The following MAP1B variants were observed in gnomAD, a reference collection of about 807,000 sequenced individuals.
MAP1B encodes microtubule-associated protein 1B.
MAP1B carries 12 observed loss-of-function variants against 176.1 expected under a neutral mutation model. That is an observed-to-expected ratio of 0.07 (90% CI 0.04 to 0.11). The LOEUF (loss-of-function observed/expected upper bound fraction) is 0.11. Among genes scored for constraint, MAP1B ranks in the 10% least tolerant of loss-of-function variants. The pLI is 1.00. For synonymous variants in MAP1B, 1,044 were observed against 1,135.0 expected (o/e 0.92, Z 1.61); for missense variants, 2,523 against 2,990.5 (o/e 0.84, Z 3.65).
chr5:72,200,271 C>T lies in MAP1B; in HGVS notation c.6916C>T (p.Pro2306Ser). 1 of 1,614,194 alleles carries T rather than the reference C, an allele frequency of 6.2e-7. No individual in the cohort carries two copies. The highest frequency in any genetic ancestry group is 8.5e-7 in the Non-Finnish European group (1 of 1,180,044). Residue 2306 changes from proline (P) to serine (S), a missense_variant, in exon 5 of 7, where the codon CCT becomes TCT. Coordinates refer to ENST00000296755, the MANE Select transcript of MAP1B (RefSeq NM_005909.5). ...VEKAAKPTTT[P>S]EVKAARGEEK... ...AAAGGCAGCAAAACCCACCACCACT[C>T]CTGAGGTCAAAGCTGCACGTGGGGA...
intron 2 of MAP1B, among the ~76,000 whole-genome samples, chr5:72,161,396 G>A (rs1421789854): frequency 2.0e-5 from 3 of 152,204 alleles, no homozygotes; most frequent in Non-Finnish European, 4.4e-5. Context: ...TGGCTCATAT[G>A]AATAATAGTA....
intron 2 of MAP1B, among the ~76,000 whole-genome samples, chr5:72,119,328 G>A (rs535181361): frequency 3.9e-5 from 6 of 152,332 alleles, no homozygotes; most frequent in African/African-American, 1.2e-4. Flanking sequence ...GCCCAGGGCA[G>A]GTCTCTGCTG....
In MAP1B at chr5:72,196,355, C is replaced by T. The variant is rs148153706; in HGVS notation, c.3000C>T (p.Ala1000=). ...CTGTGGCCAGTGGGGATGACCGAGC[C>T]GAAGAAGACATGGATGAGGCCATTG... ...RESVASGDDR[A]EEDMDEAIEK... Residue 1000 remains alanine (A), a synonymous_variant, in exon 5 of 7, where the codon GCC becomes GCT. Transcript: ENST00000296755. This position sits in a 1 kb window ranked among gnomAD's most constrained non-coding sequence, Gnocchi z 5.3. 466 of 1,613,796 alleles carry T rather than the reference C, an allele frequency of 2.9e-4. 1 individual carries two copies. In the African/African-American group the frequency reaches 4.8e-3, roughly 17 times the overall value.
chr5:72,145,205 A>G (rs1321402227), intron 2 of MAP1B, among the ~76,000 whole-genome samples: 2 of 152,220 alleles, frequency 1.3e-5, no homozygotes, highest in African/African-American at 4.8e-5. Flanking sequence ...GAAAATGCTC[A>G]CCAACACAGT....
intron 2 of MAP1B, among the ~76,000 whole-genome samples, chr5:72,171,280 A>C (rs1746532358): frequency 6.6e-6 from 1 of 152,180 alleles, no homozygotes; most frequent in Non-Finnish European, 1.5e-5. Flanking sequence ...AAGAGTTTAA[A>C]GAAAAGGCAT....
intron 2 of MAP1B, among the ~76,000 whole-genome samples, chr5:72,151,868 C>T (rs1279798370): frequency 6.6e-6 from 1 of 152,142 alleles, no homozygotes; most frequent in African/African-American, 2.4e-5. Context: ...ACAGTGATTC[C>T]TTTTTCTAAA....
At chr5:72,183,403 A>G (rs1267856243) in intron 2 of MAP1B, among the ~76,000 whole-genome samples, 1 of 152,160 alleles carries the variant, frequency 6.6e-6, no homozygotes, top group Non-Finnish European at 1.5e-5. Flanking sequence ...GAGAAAGGAA[A>G]TGTCAAGAGC....
intron 2 of MAP1B, chr5:72,116,038 G>GTT (rs1290485182): frequency 2.4e-6 from 1 of 410,380 alleles, no homozygotes; most frequent in African/African-American, 2.0e-5. Flanking sequence ...TTGTGTATGT[G>GTT]TATATATATA....
intron 2 of MAP1B, among the ~76,000 whole-genome samples, chr5:72,152,468 A>T (rs1056958606): frequency 1.3e-5 from 2 of 152,116 alleles, no homozygotes; most frequent in African/African-American, 4.8e-5. Context: ...ATTTTATTAG[A>T]CAGAGTCTCA....
At chr5:72,171,619 A>G (rs960781544) in intron 2 of MAP1B, among the ~76,000 whole-genome samples, 2 of 152,146 alleles carry the variant, frequency 1.3e-5, no homozygotes, top group African/African-American at 4.8e-5. Flanking sequence ...AAGTGGAAGA[A>G]ACGTGTTTGG....
In MAP1B at chr5:72,151,862, T is replaced by A. The variant is rs117105166; in HGVS notation, c.287-31881T>A. On this transcript the variant is annotated intron_variant, in intron 2 of 6. Coordinates refer to ENST00000296755, the MANE Select transcript of MAP1B (RefSeq NM_005909.5). ...TTTAATCACTTTTGACATTTCACAGTGATTCCTTTTTCTAAACACATTTTT... is the reference window on the plus strand; with the variant it reads ...TTTAATCACTTTTGACATTTCACAGAGATTCCTTTTTCTAAACACATTTTT... Among the ~76,000 whole-genome samples, 46 of 152,340 alleles carry A rather than the reference T, an allele frequency of 3.0e-4. No individual in the cohort carries two copies. The East Asian group carries it at 8.3e-3, about 27-fold the overall frequency.
chr5:72,198,603 C>T lies in MAP1B; in HGVS notation c.5248C>T (p.Leu1750=). The part of the protein sequence containing the change: ...QIASPLQEDT[L]SDVAPPRDMS... ...CGCTTCTCCTCTCCAAGAAGATACTCTATCCGATGTTGCTCCTCCCAGAGA... is the reference window on the plus strand; with the variant it reads ...CGCTTCTCCTCTCCAAGAAGATACTTTATCCGATGTTGCTCCTCCCAGAGA... Residue 1750 remains leucine (L), a synonymous_variant, in exon 5 of 7, where the codon CTA becomes TTA. Transcript: ENST00000296755. 6.2e-7 allele frequency: 1 copy of T among 1,614,162 alleles called. No homozygotes were observed. The highest frequency in any genetic ancestry group is 8.5e-7 in the Non-Finnish European group (1 of 1,180,022).
chr5:72,195,591 C>G lies in MAP1B; in HGVS notation c.2236C>G (p.Leu746Val). The change falls in exon 5 of 7, where the codon CTG becomes GTG. Residue 746 changes from leucine to valine, a missense_variant. By Grantham distance (32) the Leu-to-Val change is conservative (BLOSUM62 1). Around this residue, in one of 4 missense-constraint regions of MAP1B, gnomAD observed 1,925 missense variants for 2,126.0 expected, o/e 0.91. Coordinates refer to ENST00000296755, the MANE Select transcript of MAP1B (RefSeq NM_005909.5). ...AGACGCAAAGAAATCATCTACTCCT[C>G]TGTCTGAAGCAAAAAAACCAGCTGC... ...PKDAKKSSTP[L>V]SEAKKPAALK... The G allele has an allele frequency of 2.5e-6, 4 of 1,614,188 alleles. No individual in the cohort carries two copies. The highest frequency in any genetic ancestry group is 3.4e-6 in the Non-Finnish European group (4 of 1,180,044).
chr5:72,189,346 G>A (rs1020478935), intron 4 of MAP1B, among the ~76,000 whole-genome samples: 1 of 152,108 alleles, frequency 6.6e-6, no homozygotes, highest in Admixed American at 6.5e-5. Context: ...TCTCTGTGTT[G>A]GAAAGTTTTT....
In MAP1B at chr5:72,149,633, T is replaced by C. The variant is rs140449670; in HGVS notation, c.286+33834T>C. On this transcript the variant is annotated intron_variant, in intron 2 of 6. Transcript: ENST00000296755. ...CACCCTCTGGACAGAGTCTGTTTGC[T>C]CAGTGGGGATACTGCTATCCTCTTC... Among the ~76,000 whole-genome samples the C allele has an allele frequency of 3.8e-4, 58 of 152,336 alleles. No homozygotes were observed. In the East Asian group the frequency reaches 0.011, roughly 28 times the overall value.
At chr5:72,172,690 T>TA (rs1293184412) in intron 2 of MAP1B, among the ~76,000 whole-genome samples, 1 of 152,216 alleles carries the variant, frequency 6.6e-6, no homozygotes, top group East Asian at 1.9e-4. Flanking sequence ...ATGATTACAT[T>TA]TGCTCCCAAG....
chr5:72,122,237 C>G (rs576460058), intron 2 of MAP1B, among the ~76,000 whole-genome samples: 1 of 152,058 alleles, frequency 6.6e-6, no homozygotes, highest in Non-Finnish European at 1.5e-5. Flanking sequence ...CCTCCTGGCC[C>G]GGTTGCAGGG....
intron 2 of MAP1B, among the ~76,000 whole-genome samples, chr5:72,178,951 A>G (rs1335903428): frequency 2.0e-5 from 3 of 152,334 alleles, no homozygotes; most frequent in Admixed American, 6.5e-5. Flanking sequence ...CACATTTTCA[A>G]AAAGGAATAA....
Position 72,198,024 on chromosome 5 carries a change from G to A in MAP1B, c.4669G>A (p.Val1557Met), listed in dbSNP as rs1747226377. The A allele has an allele frequency of 6.2e-7, 1 of 1,614,084 alleles. No homozygotes were observed. The highest frequency in any genetic ancestry group is 8.5e-7 in the Non-Finnish European group (1 of 1,180,042). ...EGVASVSTASVATSSFPEPTT... is the reference protein window; with the variant it reads ...EGVASVSTASMATSSFPEPTT... ...TGTGGCCTCAGTGTCCACAGCCTCA[G>A]TGGCTACGAGCTCATTTCCAGAGCC... The change falls in exon 5 of 7, where the codon GTG becomes ATG. Residue 1557 changes from valine (V) to methionine (M), a missense_variant. Physicochemically the swap from Val to Met is conservative, Grantham distance 21. Coordinates refer to ENST00000296755, the MANE Select transcript of MAP1B (RefSeq NM_005909.5).
Sources: allele counts gnomAD v4.1 joint callset (sites outside exome capture counted in the v4.1 genomes callset), GRCh38; gene constraint gnomAD v4.1.1; regional missense constraint gnomAD v4.1.1; non-coding constraint Gnocchi (gnomAD v3.1); transcripts MANE v1.5; gene names NCBI Gene and HGNC (gene_info 2026-07-23, HGNC 2026-07-21).